TMC7: variants seen among roughly 807,000 people sequenced by gnomAD.
The protein encoded by TMC7 is transmembrane channel like 7.
TMC7 carries 54 observed loss-of-function variants against 82.9 expected under a neutral mutation model. The ratio of observed to expected loss-of-function variants is 0.65; its 90% CI spans 0.52 to 0.82. The LOEUF (loss-of-function observed/expected upper bound fraction) is 0.82. TMC7 is among the 40% of genes least tolerant of loss of function. The pLI is 0.00. For synonymous variants in TMC7, 350 were observed against 337.9 expected (o/e 1.04, Z -0.39); for missense variants, 820 against 901.2 (o/e 0.91, Z 1.15).
chr16:19,035,720 A>G lies in TMC7; in HGVS notation c.902A>G (p.His301Arg), dbSNP rs1025682180. Residue 301 changes from histidine to arginine, a missense_variant, in exon 7 of 16, where the codon CAC (histidine) becomes CGC (arginine). Physicochemically the swap from His to Arg is conservative, Grantham distance 29. Coordinates refer to ENST00000304381, the MANE Select transcript of TMC7 (RefSeq NM_024847.4). ...FKINLIRSEE[H>R]FQSYCNKIFA... is the part of the protein sequence containing the mutation. ...ATCAACCTGATTCGGAGTGAGGAGC[A>G]CTTTCAGAGTTACTGCAACAAGATA... 1 of 1,613,958 alleles carries G rather than the reference A, an allele frequency of 6.2e-7. No individual in the cohort carries two copies. The highest frequency in any genetic ancestry group is 1.1e-5 in the South Asian group (1 of 91,064).
At chr16:19,028,647 A>AATTAGT (rs1960346580) in intron 5 of TMC7, among the ~76,000 whole-genome samples, 2 of 151,144 alleles carry the variant, frequency 1.3e-5, no homozygotes, top group South Asian at 4.2e-4. Flanking sequence ...GAGCTTCTTT[A>AATTAGT]ATTATTATTA....
chr16:19,028,627 C>T (rs1415988816), intron 5 of TMC7, among the ~76,000 whole-genome samples: 2 of 151,796 alleles, frequency 1.3e-5, no homozygotes, highest in East Asian at 1.9e-4. Context: ...GGATGTTGTC[C>T]GTTTCTTTAG....
intron 2 of TMC7, among the ~76,000 whole-genome samples, chr16:19,010,302 G>A (rs896608412): frequency 1.3e-5 from 2 of 151,868 alleles, no homozygotes; most frequent in African/African-American, 2.4e-5. Context: ...TTACAGGCAT[G>A]TGCCACCATG....
chr16:19,016,456 T>G lies in TMC7; in HGVS notation c.318T>G (p.Ile106Met). 1.2e-6 allele frequency: 2 copies of G among 1,614,132 alleles called. No homozygotes were observed. Among genetic ancestry groups the G allele is most frequent in the Non-Finnish European group, 1.7e-6 (2 of 1,180,016 alleles). The part of the protein sequence containing the change: ...NISEKRRLRD[I>M]QETQMKYLSE... ...GATCATGTTTTCCATGCAGGGACAT[T>G]CAAGAGACACAAATGAAGTATCTCT... The change falls in exon 3 of 16, where the codon ATT becomes ATG. Residue 106 changes from isoleucine (I) to methionine (M), a missense_variant. By Grantham distance (10) the Ile-to-Met change is conservative. Coordinates refer to ENST00000304381, the MANE Select transcript of TMC7 (RefSeq NM_024847.4).
chr16:19,003,425 G>T (rs1479390214), intron 1 of TMC7, among the ~76,000 whole-genome samples: 2 of 149,832 alleles, frequency 1.3e-5, no homozygotes, highest in Admixed American at 1.3e-4. Flanking sequence ...CAGCCCCCCT[G>T]CCCGGCCAGC....
intron 1 of TMC7, among the ~76,000 whole-genome samples, chr16:18,999,773 G>GT (rs1249782297): frequency 2.7e-5 from 4 of 150,664 alleles, no homozygotes; most frequent in South Asian, 4.4e-4. Context: ...TTTTGTTTTT[G>GT]TTTTTTTTGA....
intron 1 of TMC7, among the ~76,000 whole-genome samples, chr16:18,992,080 A>G (rs562713975): frequency 6.6e-6 from 1 of 152,332 alleles, no homozygotes; most frequent in Non-Finnish European, 1.5e-5. Flanking sequence ...TCTTTATAGC[A>G]GCATGATTTA....
chr16:18,996,848 G>A (rs1271626883), intron 1 of TMC7, among the ~76,000 whole-genome samples: 2 of 152,214 alleles, frequency 1.3e-5, no homozygotes, highest in African/African-American at 4.8e-5. Flanking sequence ...ATGAAATGTG[G>A]GTGAATAATC....
At chr16:19,031,861 C>T (rs6497319) in intron 6 of TMC7, among the ~76,000 whole-genome samples, 133,786 of 152,110 alleles carry the variant, frequency 0.88, 60,104 homozygotes, top group Non-Finnish European at 0.96. Flanking sequence ...GGAAAACTCA[C>T]GGAGGAGAAC....
intron 1 of TMC7, among the ~76,000 whole-genome samples, chr16:19,005,357 G>A (rs2039221178): frequency 6.6e-6 from 1 of 152,154 alleles, no homozygotes; most frequent in Non-Finnish European, 1.5e-5. Context: ...CAAAGTGCTG[G>A]GATTACAGGC....
At chr16:19,054,716 C>CAA (rs1183741068) in intron 13 of TMC7, among the ~76,000 whole-genome samples, 2 of 101,706 alleles carry the variant, frequency 2.0e-5, no homozygotes, top group Admixed American at 1.1e-4. Flanking sequence ...AACTCTGTCT[C>CAA]AAAAAAAAAA....
In TMC7 at chr16:19,051,167, A is replaced by C. The variant is rs138696250; in HGVS notation, c.1741-519A>C. Among the ~76,000 whole-genome samples, 1,477 of 150,390 alleles carry C rather than the reference A, an allele frequency of 9.8e-3. 11 individuals carry two copies. Among genetic ancestry groups the C allele is most frequent in the Middle Eastern group, 0.036 (10 of 280 alleles). ...GGCCCATTTCCCCTTCTATTTCATCAGCATGAATTCTCCAAAGTTTGGAGT... is the reference window on the plus strand; with the variant it reads ...GGCCCATTTCCCCTTCTATTTCATCCGCATGAATTCTCCAAAGTTTGGAGT... On this transcript the variant is annotated intron_variant, in intron 12 of 15. Coordinates refer to ENST00000304381, the MANE Select transcript of TMC7 (RefSeq NM_024847.4).
At chr16:19,038,282 G>A (rs967099123) in intron 8 of TMC7, among the ~76,000 whole-genome samples, 2 of 152,040 alleles carry the variant, frequency 1.3e-5, no homozygotes, top group African/African-American at 2.4e-5. Flanking sequence ...TGCAGCCTCT[G>A]CCTCCCAGGT....
chr16:19,005,600 G>A (rs953647515), intron 1 of TMC7, among the ~76,000 whole-genome samples: 1 of 152,188 alleles, frequency 6.6e-6, no homozygotes, highest in Non-Finnish European at 1.5e-5. Flanking sequence ...TGACAGGCCA[G>A]TATTTTAAAC....
chr16:19,041,444 C>T (rs1272286127), intron 9 of TMC7, among the ~76,000 whole-genome samples: 1 of 151,930 alleles, frequency 6.6e-6, no homozygotes, highest in East Asian at 1.9e-4. Context: ...TGGCTCACTG[C>T]AACCTCCACC....
Position 19,023,174 on chromosome 16 carries a change from C to A in TMC7, c.690C>A (p.Ile230=). 1 of 1,604,118 alleles carries A rather than the reference C, an allele frequency of 6.2e-7. No homozygotes were observed. Among genetic ancestry groups the A allele is most frequent in the South Asian group, 1.1e-5 (1 of 90,680 alleles). Residue 230 remains isoleucine, a synonymous_variant, in exon 5 of 16, where the codon ATC becomes ATA. Transcript: ENST00000304381. ...SSGLIYFYSY[I]IDLLSGTGFL... is the part of the protein sequence containing the mutation. Reference sequence around the variant, plus strand: ...GACTCATTTACTTTTACAGTTATATCATAGACTTGCTTTCTGGCACTGTAA... The same window carrying A: ...GACTCATTTACTTTTACAGTTATATAATAGACTTGCTTTCTGGCACTGTAA...
chr16:19,006,587 C>T (rs907319503), intron 1 of TMC7, among the ~76,000 whole-genome samples: 14 of 152,210 alleles, frequency 9.2e-5, no homozygotes, highest in African/African-American at 2.7e-4. Flanking sequence ...CTGACTTTAA[C>T]GTTTCCATTC....
At chr16:19,036,822 TAAATC>T (rs1305002545) in intron 7 of TMC7, among the ~76,000 whole-genome samples, 2 of 151,736 alleles carry the variant, frequency 1.3e-5, no homozygotes, top group South Asian at 4.2e-4. Context: ...AGGGGACAAA[TAAATC>T]AAAAGCATAA....
intron 10 of TMC7, 102 bp downstream of exon 10, chr16:19,045,103 G>T (rs1466136277): frequency 1.0e-6 from 1 of 1,004,610 alleles, no homozygotes. Flanking sequence ...AACTGCATTT[G>T]CTTCGCTTTC....
Sources: allele counts gnomAD v4.1 joint callset (sites outside exome capture counted in the v4.1 genomes callset), GRCh38; gene constraint gnomAD v4.1.1; transcripts MANE v1.5; gene names NCBI Gene and HGNC (gene_info 2026-07-23, HGNC 2026-07-21).